Variants in LIPC observed in about 807,000 individuals in gnomAD.
LIPC encodes hepatic triacylglycerol lipase.
In LIPC, 44 loss-of-function variants were observed where a neutral mutation model predicts 50.7. The ratio of observed to expected loss-of-function variants is 0.87; its 90% CI spans 0.68 to 1.11. LIPC has a LOEUF of 1.11. LIPC is among the 50% of genes most tolerant of loss of function. The pLI is 0.00. For synonymous variants in LIPC, 271 were observed against 256.4 expected (o/e 1.06, Z -0.54); for missense variants, 697 against 648.2 (o/e 1.08, Z -0.82).
intron 1 of LIPC, among the ~76,000 whole-genome samples, chr15:58,434,205 A>G (rs1893216002): frequency 6.6e-6 from 1 of 151,978 alleles, no homozygotes; most frequent in Admixed American, 6.5e-5. Flanking sequence ...GGCCCAAAAC[A>G]TTATTAGTGC....
chr15:58,545,849 A>G lies in LIPC; in HGVS notation c.682A>G (p.Met228Val), dbSNP rs767030496. The change falls in exon 5 of 9, where the codon ATG becomes GTG. Residue 228 changes from methionine (M) to valine (V), a missense_variant. Physicochemically the swap from Met to Val is conservative, Grantham distance 21. Coordinates refer to ENST00000299022, the MANE Select transcript of LIPC (RefSeq NM_000236.3). ...DAIHTFTREH[M>V]GLSVGIKQPI... is the part of the protein sequence containing the mutation. ...CATTCATACCTTTACCCGGGAGCAC[A>G]TGGGCCTGAGCGTGGGCATCAAACA... The G allele has an allele frequency of 9.9e-6, 16 of 1,614,066 alleles. No homozygotes were observed. The East Asian group carries it at 3.1e-4, about 31-fold the overall frequency.
chr15:58,445,852 T>C (rs1355313089), intron 1 of LIPC, among the ~76,000 whole-genome samples: 8 of 152,338 alleles, frequency 5.3e-5, no homozygotes, highest in African/African-American at 1.9e-4. Flanking sequence ...AAACTATCCA[T>C]TGCTGGTCAC....
chr15:58,549,317 C>T (rs759563116), intron 6 of LIPC, among the ~76,000 whole-genome samples: 1 of 152,238 alleles, frequency 6.6e-6, no homozygotes, highest in East Asian at 1.9e-4. Flanking sequence ...ACTGTTTCAT[C>T]GCACAGCCTC....
At chr15:58,557,463 T>C (rs1214753892) in intron 6 of LIPC, among the ~76,000 whole-genome samples, 4 of 133,026 alleles carry the variant, frequency 3.0e-5, no homozygotes, top group Admixed American at 9.3e-5. Context: ...CAGCTCACTG[T>C]AAGCTCCACC....
intron 1 of LIPC, among the ~76,000 whole-genome samples, chr15:58,466,359 C>T (rs909949748): frequency 3.3e-5 from 5 of 152,140 alleles, no homozygotes; most frequent in Admixed American, 6.5e-5. Flanking sequence ...GTCTTAGTTT[C>T]GTGAAAGGTA....
chr15:58,542,007 C>A, intron 3 of LIPC, 40 bp downstream of exon 3: 2 of 1,572,282 alleles, frequency 1.3e-6, no homozygotes, highest in Non-Finnish European at 1.7e-6. Flanking sequence ...TCCCTTCCCT[C>A]CTTTCCCTTC....
chr15:58,565,295 GCCCA>G, intron 8 of LIPC: 1 of 1,535,614 alleles, frequency 6.5e-7, no homozygotes, highest in Non-Finnish European at 8.7e-7. Flanking sequence ...CTCTGACCCT[GCCCA>G]GATGCTCTTA....
At chr15:58,443,510 T>C (rs1893576604) in intron 1 of LIPC, among the ~76,000 whole-genome samples, 1 of 152,216 alleles carries the variant, frequency 6.6e-6, no homozygotes, top group South Asian at 2.1e-4. Context: ...TGGGCTACTT[T>C]TAAGGTCACC....
intron 1 of LIPC, among the ~76,000 whole-genome samples, chr15:58,513,006 GA>G (rs1892378688): frequency 6.6e-6 from 1 of 151,758 alleles, no homozygotes; most frequent in African/African-American, 2.4e-5. Context: ...AGACACAGAG[GA>G]ATACAGAAAA....
chr15:58,443,891 G>A (rs902684783), intron 1 of LIPC, among the ~76,000 whole-genome samples: 7 of 151,760 alleles, frequency 4.6e-5, no homozygotes, highest in Non-Finnish European at 8.8e-5. Flanking sequence ...CAAGGGTGGG[G>A]AGAGAATTGC....
At position 58,548,475 on chromosome 15, in the gene LIPC, G is replaced by A. The variant is rs1287703150; in HGVS notation, c.954G>A (p.Lys318=). 12 of 1,612,356 alleles carry A rather than the reference G, an allele frequency of 7.4e-6. No homozygotes were observed. The highest frequency in any genetic ancestry group is 1.1e-5 in the South Asian group (1 of 90,804). The part of the protein sequence containing the change: ...FSQGLCLSCK[K]GRCNTLGYHV... ...AGGGCCTGTGCCTGAGCTGCAAGAA[G>A]GGCCGCTGCAACACGCTGGGCTACC... The change falls in exon 6 of 9, where the codon AAG becomes AAA. Residue 318 remains lysine (K), a synonymous_variant. Coordinates refer to ENST00000299022, the MANE Select transcript of LIPC (RefSeq NM_000236.3).
intron 6 of LIPC, among the ~76,000 whole-genome samples, chr15:58,554,686 G>A (rs1336783973): frequency 6.6e-6 from 1 of 151,956 alleles, no homozygotes; most frequent in Non-Finnish European, 1.5e-5. Flanking sequence ...TGTGAGCCCA[G>A]GATTTTGAGA....
At chr15:58,436,633 A>G (rs1308581608) in intron 1 of LIPC, 2 of 434,750 alleles carry the variant, frequency 4.6e-6, no homozygotes, top group Non-Finnish European at 9.3e-6. Context: ...TCTGTGTGTC[A>G]AATACATGAG....
intron 1 of LIPC, among the ~76,000 whole-genome samples, chr15:58,487,152 T>C (rs1891406784): frequency 6.6e-6 from 1 of 152,182 alleles, no homozygotes; most frequent in Non-Finnish European, 1.5e-5. Context: ...TACTTTCAAG[T>C]ACTTATGAGA....
At position 58,474,326 on chromosome 15, in the gene LIPC, G is replaced by A. The variant is rs532752488; in HGVS notation, c.88+42206G>A. On this transcript the variant is annotated intron_variant, in intron 1 of 8. Coordinates refer to ENST00000299022, the MANE Select transcript of LIPC (RefSeq NM_000236.3). ...TGAGCCCAGAAGTTTGAGACCAGCCGGGCAATATAAAGAGACCCCATCTCC... is the reference window on the plus strand; with the variant it reads ...TGAGCCCAGAAGTTTGAGACCAGCCAGGCAATATAAAGAGACCCCATCTCC... Among the ~76,000 whole-genome samples the A allele has an allele frequency of 7.9e-5, 12 of 152,134 alleles. No individual in the cohort carries two copies. The East Asian group carries it at 1.4e-3, about 17-fold the overall frequency.
chr15:58,441,572 G>A (rs1893510655), intron 1 of LIPC, among the ~76,000 whole-genome samples: 2 of 152,176 alleles, frequency 1.3e-5, no homozygotes, highest in African/African-American at 4.8e-5. Context: ...TCAATTGCAA[G>A]TCAGTTTCTG....
At chr15:58,556,238 G>A (rs548998307) in intron 6 of LIPC, among the ~76,000 whole-genome samples, 1 of 152,144 alleles carries the variant, frequency 6.6e-6, no homozygotes, top group East Asian at 1.9e-4. Flanking sequence ...CACTCAGAGA[G>A]CCTGTGAAGT....
At chr15:58,438,306 C>G (rs1269377189) in intron 1 of LIPC, among the ~76,000 whole-genome samples, 2 of 152,062 alleles carry the variant, frequency 1.3e-5, no homozygotes, top group Non-Finnish European at 2.9e-5. Context: ...ATGCAACCAC[C>G]CAGGCCTCAG....
intron 1 of LIPC, among the ~76,000 whole-genome samples, chr15:58,468,136 T>TA (rs745669729): frequency 6.6e-6 from 1 of 152,188 alleles, no homozygotes; most frequent in Non-Finnish European, 1.5e-5. Context: ...CAGCTAATAT[T>TA]ACCCCAGATT....
Sources: gnomAD v4.1 joint callset for allele counts (sites outside exome capture counted in the v4.1 genomes callset) on GRCh38, gnomAD v4.1.1 for gene constraint, MANE v1.5 for transcripts, NCBI Gene and HGNC (gene_info 2026-07-23, HGNC 2026-07-21) for gene names.